The following CACNA1E variants were observed in gnomAD, a reference collection of about 807,000 sequenced individuals.
CACNA1E encodes the protein calcium voltage-gated channel subunit alpha1 E, also known as voltage-dependent R-type calcium channel subunit alpha-1E.
CACNA1E carries 40 observed loss-of-function variants against 259.2 expected under a neutral mutation model. That is an observed-to-expected ratio of 0.15 (90% CI 0.12 to 0.20). The LOEUF (loss-of-function observed/expected upper bound fraction) is 0.20, where lower values mean the gene tolerates loss of function less well. CACNA1E is among the 10% of genes least tolerant of loss of function. The pLI is 1.00. For missense variants in CACNA1E, 1,874 were observed against 3,040.1 expected (o/e 0.62, Z 9.02); for synonymous variants, 1,104 against 1,138.5 (o/e 0.97, Z 0.61).
intron 7 of CACNA1E, among the ~76,000 whole-genome samples, chr1:181,679,998 AGCTACTCGGGAG>A (rs1485101366): frequency 6.6e-6 from 1 of 150,430 alleles, no homozygotes; most frequent in Non-Finnish European, 1.5e-5. Flanking sequence ...CTATAGTCCT[AGCTACTCGGGAG>A]GCTGAGACAG....
At chr1:181,724,709 C>G (rs1400970376) in intron 17 of CACNA1E, among the ~76,000 whole-genome samples, 172 bp downstream of exon 17, 1 of 152,208 alleles carries the variant, frequency 6.6e-6, no homozygotes, top group Admixed American at 6.5e-5. Flanking sequence ...AAGGCTGGTT[C>G]ACTTTTATTG....
chr1:181,692,238 GC>G (rs1224240527), intron 7 of CACNA1E, among the ~76,000 whole-genome samples: 1 of 151,222 alleles, frequency 6.6e-6, no homozygotes, highest in Non-Finnish European at 1.5e-5. Flanking sequence ...TGGCCATACT[GC>G]CCAAAGCAAC....
chr1:181,771,111 G>A (rs1287872232), intron 35 of CACNA1E, among the ~76,000 whole-genome samples, 182 bp from the exon 36 acceptor site: 2 of 152,132 alleles, frequency 1.3e-5, no homozygotes, highest in East Asian at 3.9e-4. Context: ...AGCAGTGGAG[G>A]ATAATTATTC....
At chr1:181,370,896 A>G (rs903676557) in intron 1 of CACNA1E, among the ~76,000 whole-genome samples, 1 of 152,182 alleles carries the variant, frequency 6.6e-6, no homozygotes, top group South Asian at 2.1e-4. Context: ...TACCATCAGC[A>G]TATAAGTATT....
chr1:181,502,518 C>T (rs1430748399), intron 1 of CACNA1E, among the ~76,000 whole-genome samples: 1 of 152,040 alleles, frequency 6.6e-6, no homozygotes, highest in Non-Finnish European at 1.5e-5. Flanking sequence ...TTAACCTGGG[C>T]CCTCTCACCT....
At chr1:181,731,136 G>A (rs777330192) in intron 18 of CACNA1E, 39 bp from the exon 19 acceptor site, 6 of 1,564,682 alleles carry the variant, frequency 3.8e-6, no homozygotes, top group Non-Finnish European at 5.3e-6. Context: ...GGTTCCTAGA[G>A]GTTGGGGTGA....
At chr1:181,682,923 A>G (rs959326471) in intron 7 of CACNA1E, among the ~76,000 whole-genome samples, 1 of 152,188 alleles carries the variant, frequency 6.6e-6, no homozygotes, top group Non-Finnish European at 1.5e-5. Context: ...TTACAGCTTG[A>G]CATGAGATTT....
rs1316464121 is a variant in CACNA1E at position 181,733,585 on chromosome 1, G to T, written c.3097G>T (p.Ala1033Ser). 2 of 1,613,050 alleles carry T rather than the reference G, an allele frequency of 1.2e-6. No homozygotes were observed. The highest frequency in any genetic ancestry group is 1.7e-6 in the Non-Finnish European group (2 of 1,179,500). The change falls in exon 21 of 48, where the codon GCC (alanine) becomes TCC (serine). Residue 1033 changes from alanine (A) to serine (S), a missense_variant. Around this residue, in one of 14 missense-constraint regions of CACNA1E, gnomAD observed 476 missense variants for 514.0 expected, o/e 0.93. Transcript: ENST00000367573. Reference sequence around the variant, plus strand: ...GGAGCCAGAAGGCAGCAGTGAGCAGGCCCTGCTGGGGAATGTGCAGCTAGA... The same window carrying T: ...GGAGCCAGAAGGCAGCAGTGAGCAGTCCCTGCTGGGGAATGTGCAGCTAGA... Reference protein sequence around the residue: ...EQEPEGSSEQALLGNVQLDMG... With the variant: ...EQEPEGSSEQSLLGNVQLDMG...
In CACNA1E at chr1:181,681,701, C is replaced by T. The variant is rs118103501; in HGVS notation, c.1056-29253C>T. On this transcript the variant is annotated intron_variant, in intron 7 of 47. Coordinates refer to ENST00000367573, the MANE Select transcript of CACNA1E (RefSeq NM_001205293.3). ...GGGGTTGTATTTGAACAGAACCAGACAAGGATCTGAATGCTGGTCTACCAC... is the reference window on the plus strand; with the variant it reads ...GGGGTTGTATTTGAACAGAACCAGATAAGGATCTGAATGCTGGTCTACCAC... 7.2e-5 allele frequency among the ~76,000 whole-genome samples: 11 copies of T among 152,288 alleles called. No homozygotes were observed. The East Asian group carries it at 2.1e-3, about 29-fold the overall frequency.
intron 2 of CACNA1E, among the ~76,000 whole-genome samples, chr1:181,431,116 T>TA (rs142320328): frequency 3.2e-4 from 48 of 149,378 alleles, no homozygotes; most frequent in African/African-American, 4.7e-4. Context: ...GTTTAAAAAA[T>TA]AAAAAAAAAA....
At chr1:181,443,904 A>T (rs935191584) in intron 2 of CACNA1E, among the ~76,000 whole-genome samples, 4 of 152,232 alleles carry the variant, frequency 2.6e-5, no homozygotes, top group Admixed American at 6.5e-5. Flanking sequence ...AAAATAATTT[A>T]GTTTCATAGT....
At chr1:181,460,708 T>TA (rs1420528945) in intron 2 of CACNA1E, among the ~76,000 whole-genome samples, 1 of 152,204 alleles carries the variant, frequency 6.6e-6, no homozygotes, top group Non-Finnish European at 1.5e-5. Flanking sequence ...CATTTACACT[T>TA]AGAGTAGTAT....
At chr1:181,691,135 TTTCTA>T (rs1487817328) in intron 7 of CACNA1E, among the ~76,000 whole-genome samples, 2 of 152,032 alleles carry the variant, frequency 1.3e-5, no homozygotes, top group African/African-American at 4.8e-5. Flanking sequence ...CAACCTAACA[TTTCTA>T]TTAGCCTCAC....
chr1:181,790,083 A>G lies in CACNA1E; in HGVS notation c.5787-362A>G, dbSNP rs527888571. Among the ~76,000 whole-genome samples the G allele has an allele frequency of 9.2e-5, 14 of 152,322 alleles. No individual in the cohort carries two copies. The South Asian group carries it at 2.9e-3, about 32-fold the overall frequency. ...GTCCATGGCTGCTTAATATTTAAAC[A>G]AACTGTTCACTGTGTAAACTAGGGT... On this transcript the variant is annotated intron_variant, in intron 43 of 47. Transcript: ENST00000367573.
At chr1:181,355,560 T>A (rs1653360030) in intron 1 of CACNA1E, among the ~76,000 whole-genome samples, 1 of 151,820 alleles carries the variant, frequency 6.6e-6, no homozygotes, top group African/African-American at 2.4e-5. Flanking sequence ...TACAACCCAG[T>A]CTGGGTGACA....
chr1:181,689,688 T>A lies in CACNA1E; in HGVS notation c.1056-21266T>A, dbSNP rs151320531. The stretch of plus-strand genomic sequence containing the variant: ...TGCCATTCTAACTGGCATGAGATGG[T>A]ATCTAATTGTGGTTTTGATTTGTAT... On this transcript the variant is annotated intron_variant, in intron 7 of 47. Coordinates refer to ENST00000367573, the MANE Select transcript of CACNA1E (RefSeq NM_001205293.3). 6.3e-3 allele frequency among the ~76,000 whole-genome samples: 963 copies of A among 152,360 alleles called. 7 individuals are homozygous for A. The highest frequency in any genetic ancestry group is 0.022 in the African/African-American group (923 of 41,584).
chr1:181,515,051 A>C (rs1658666134), intron 3 of CACNA1E, among the ~76,000 whole-genome samples: 1 of 152,078 alleles, frequency 6.6e-6, no homozygotes, highest in South Asian at 2.1e-4. Context: ...CCTGGCTCCA[A>C]GTTCCTTCTT....
intron 38 of CACNA1E, among the ~76,000 whole-genome samples, chr1:181,780,328 G>A (rs574933174): frequency 2.6e-5 from 4 of 152,262 alleles, no homozygotes; most frequent in Admixed American, 6.5e-5. Flanking sequence ...TTGTTCAGGG[G>A]TGAGTAGGAC....
At chr1:181,763,855 G>A (rs1658798287) in intron 34 of CACNA1E, among the ~76,000 whole-genome samples, 1 of 152,192 alleles carries the variant, frequency 6.6e-6, no homozygotes, top group Non-Finnish European at 1.5e-5. Flanking sequence ...ACAGTCCTGA[G>A]TAACCCCATC....
Sources: gnomAD v4.1 joint callset for allele counts (sites outside exome capture counted in the v4.1 genomes callset) on GRCh38, gnomAD v4.1.1 for gene constraint, gnomAD v4.1.1 regional missense constraint, MANE v1.5 for transcripts, NCBI Gene and HGNC (gene_info 2026-07-23, HGNC 2026-07-21) for gene names.